The following PTPDC1 variants were observed in gnomAD, a reference collection of about 807,000 sequenced individuals.
The protein encoded by PTPDC1 is protein tyrosine phosphatase domain-containing protein 1.
A neutral mutation model predicts 75.3 loss-of-function variants in PTPDC1; 53 were observed. That is an observed-to-expected ratio of 0.70 (90% confidence interval 0.56 to 0.88). PTPDC1 has a LOEUF of 0.88. PTPDC1 is among the 40% of genes least tolerant of loss of function. The pLI is 0.00. For missense variants in PTPDC1, 925 were observed against 998.6 expected, an observed-to-expected ratio of 0.93 and a Z score of 0.99; for synonymous variants, 349 against 366.2, an observed-to-expected ratio of 0.95 and a Z score of 0.54.
intron 1 of PTPDC1, among the ~76,000 whole-genome samples, chr9:94,049,281 G>A (rs927504066): frequency 3.3e-5 from 5 of 152,200 alleles, no homozygotes; most frequent in East Asian, 3.9e-4. Flanking sequence ...TATTTTGCTC[G>A]TTAGTTGATG....
chr9:94,070,690 G>A (rs1467658317), intron 2 of PTPDC1, among the ~76,000 whole-genome samples: 1 of 152,120 alleles, frequency 6.6e-6, no homozygotes, highest in Non-Finnish European at 1.5e-5. Context: ...ACTCTGGCCT[G>A]TGGCAACCAC....
intron 1 of PTPDC1, among the ~76,000 whole-genome samples, chr9:94,033,125 T>C (rs1829758947): frequency 1.3e-5 from 2 of 152,176 alleles, no homozygotes; most frequent in Non-Finnish European, 2.9e-5. Flanking sequence ...CCTCCCAAAG[T>C]GCTGGGATTA....
chr9:94,103,001 C>CAT (rs1215030145), intron 7 of PTPDC1, among the ~76,000 whole-genome samples: 1 of 92,408 alleles, frequency 1.1e-5, no homozygotes, highest in Admixed American at 1.3e-4. Flanking sequence ...TACACACACA[C>CAT]ACACACACAC....
At chr9:94,087,792 G>A (rs1284478314) in intron 2 of PTPDC1, 39 bp from the exon 3 acceptor site, 1 of 1,479,146 alleles carries the variant, frequency 6.8e-7, no homozygotes, top group African/African-American at 1.4e-5. Flanking sequence ...AACTTCCTAG[G>A]TTTCAGCACA....
At chr9:94,042,819 T>A (rs1347216269) in intron 1 of PTPDC1, among the ~76,000 whole-genome samples, 1 of 152,250 alleles carries the variant, frequency 6.6e-6, no homozygotes, top group African/African-American at 2.4e-5. Flanking sequence ...GTCAGTCCTC[T>A]TAAACCCTGC....
At chr9:94,043,019 C>T (rs1249039929) in intron 1 of PTPDC1, among the ~76,000 whole-genome samples, 1 of 152,196 alleles carries the variant, frequency 6.6e-6, no homozygotes, top group Admixed American at 6.5e-5. Context: ...TTTTCAGCTC[C>T]ACTTCTAATT....
chr9:94,088,055 A>G, intron 3 of PTPDC1, 90 bp from the exon 4 acceptor site: 4 of 1,504,668 alleles, frequency 2.7e-6, no homozygotes, highest in Non-Finnish European at 3.6e-6. Context: ...GATTTTTGAG[A>G]GTAATTAATA....
chr9:94,056,331 C>T (rs750473262), intron 1 of PTPDC1, among the ~76,000 whole-genome samples: 20 of 150,304 alleles, frequency 1.3e-4, no homozygotes, highest in Non-Finnish European at 2.7e-4. Flanking sequence ...TTTTTTGCTA[C>T]GTAAGCTTAA....
At chr9:94,069,678 G>A (rs1826444256) in intron 2 of PTPDC1, among the ~76,000 whole-genome samples, 1 of 151,478 alleles carries the variant, frequency 6.6e-6, no homozygotes, top group African/African-American at 2.4e-5. Flanking sequence ...CCGCCACTGC[G>A]CCCAGCTAAT....
chr9:94,097,674 C>T lies in PTPDC1; in HGVS notation c.1108C>T (p.Leu370Phe). 1.2e-6 allele frequency: 2 copies of T among 1,614,196 alleles called. No individual in the cohort carries two copies. The highest frequency in any genetic ancestry group is 1.7e-6 in the Non-Finnish European group (2 of 1,180,044). Reference protein sequence around the residue: ...MMKDVSEGPGLSAEIEKTMSE... With the variant: ...MMKDVSEGPGFSAEIEKTMSE... ...GAAGGATGTGTCCGAAGGACCTGGT[C>T]TCTCTGCTGAAATAGAAAAGACAAT... Residue 370 changes from leucine to phenylalanine, a missense_variant, in exon 6 of 9, where the codon CTC (leucine) becomes TTC (phenylalanine). Transcript: ENST00000620992.
At position 94,098,300 on chromosome 9, in the gene PTPDC1, C is replaced by A. The variant is rs201902390; in HGVS notation, c.1734C>A (p.His578Gln). 6.2e-7 allele frequency: 1 copy of A among 1,614,236 alleles called. No individual in the cohort carries two copies. The highest frequency in any genetic ancestry group is 1.7e-5 in the Admixed American group (1 of 60,028). ...ACCCTGCTCACCAGCAAGTGTCTCA[C>A]TGTCAGTGTAAAACTCATGGTGTTG... ...DPNPAHQQVSHCQCKTHGVGS... is the reference protein window; with the variant it reads ...DPNPAHQQVSQCQCKTHGVGS... Residue 578 changes from histidine to glutamine, a missense_variant, in exon 6 of 9, where the codon CAC (histidine) becomes CAA (glutamine). Transcript: ENST00000620992.
chr9:94,054,511 C>G (rs1199820931), intron 1 of PTPDC1, among the ~76,000 whole-genome samples: 1 of 152,150 alleles, frequency 6.6e-6, no homozygotes, highest in Non-Finnish European at 1.5e-5. Context: ...TTTAGACTAG[C>G]ATTCCTGTTT....
chr9:94,060,605 C>T (rs1321694964), intron 1 of PTPDC1, among the ~76,000 whole-genome samples: 3 of 152,186 alleles, frequency 2.0e-5, no homozygotes, highest in African/African-American at 4.8e-5. Context: ...ATGGCAGCAT[C>T]GGCTTCTGGG....
chr9:94,105,633 A>G (rs1251771622), intron 8 of PTPDC1, among the ~76,000 whole-genome samples: 1 of 144,108 alleles, frequency 6.9e-6, no homozygotes, highest in Non-Finnish European at 1.5e-5. Flanking sequence ...GCGCCACTGC[A>G]CTCCGGCCTG....
At chr9:94,039,005 C>T (rs1030672581) in intron 1 of PTPDC1, among the ~76,000 whole-genome samples, 42 of 152,236 alleles carry the variant, frequency 2.8e-4, no homozygotes, top group African/African-American at 9.9e-4. Flanking sequence ...TTAAACTTCA[C>T]TCTTGAATTC....
chr9:94,061,932 C>G (rs906259330), intron 1 of PTPDC1, among the ~76,000 whole-genome samples: 3 of 152,230 alleles, frequency 2.0e-5, no homozygotes, highest in African/African-American at 2.4e-5. Flanking sequence ...ATTTCTGCAG[C>G]CTGCTTGAAT....
intron 7 of PTPDC1, 138 bp from the exon 8 acceptor site, chr9:94,104,137 A>G: frequency 1.8e-6 from 1 of 551,216 alleles, no homozygotes. Flanking sequence ...TGATGTTTAG[A>G]TATTTTGTTA....
At chr9:94,102,286 TCA>T (rs1827867922) in intron 7 of PTPDC1, among the ~76,000 whole-genome samples, 1 of 151,854 alleles carries the variant, frequency 6.6e-6, no homozygotes, top group East Asian at 1.9e-4. Flanking sequence ...GGGGTAGGTG[TCA>T]CACATATATA....
intron 2 of PTPDC1, among the ~76,000 whole-genome samples, chr9:94,069,853 C>G (rs1231193502): frequency 8.0e-6 from 1 of 124,856 alleles, no homozygotes; most frequent in African/African-American, 3.1e-5. Context: ...GAGACGGAGT[C>G]TCGCTCTGTC....
Sources: gnomAD v4.1 joint callset for allele counts (sites outside exome capture counted in the v4.1 genomes callset) on GRCh38, gnomAD v4.1.1 for gene constraint, MANE v1.5 for transcripts, NCBI Gene and HGNC (gene_info 2026-07-23, HGNC 2026-07-21) for gene names.